The following DDX46 variants were observed in gnomAD, a reference collection of about 807,000 sequenced individuals.
The protein encoded by DDX46 is probable ATP-dependent RNA helicase DDX46.
DDX46 carries 30 observed loss-of-function variants against 134.9 expected under a neutral mutation model. The observed-to-expected ratio is 0.22, with a 90% CI of 0.17 to 0.30. DDX46 has a LOEUF of 0.30. Among genes scored for constraint, DDX46 ranks in the 10% least tolerant of loss-of-function variants. The probability of loss-of-function intolerance (pLI) is 1.00; values close to 1 mark genes in which losing one functional copy is unlikely to be tolerated. For missense variants in DDX46, 622 were observed against 1,248.7 expected (o/e 0.50, Z 7.56); for synonymous variants, 415 against 404.1 (o/e 1.03, Z -0.32).
rs112871312 is a variant in DDX46 at position 134,758,822 on chromosome 5, T to G, written c.-117T>G. ...CTGGGATGGCCGCCACAGCTGTAGG[T>G]GCTGCTAGTGTTTAGCGCTGGTCTT... On this transcript the variant is annotated 5_prime_UTR_variant, in exon 1 of 23. Transcript: ENST00000452510. The G allele has an allele frequency of 0.027, 39,824 of 1,500,966 alleles. 646 individuals carry two copies. Among genetic ancestry groups the G allele is most frequent in the South Asian group, 0.045 (3,918 of 87,996 alleles). 93.0% of individuals were successfully genotyped at this position (1,500,966 alleles called of 1,614,324 possible).
At chr5:134,780,989 A>C in intron 6 of DDX46, 144 bp from the exon 7 acceptor site, 1 of 538,746 alleles carries the variant, frequency 1.9e-6, no homozygotes, top group Non-Finnish European at 3.1e-6. Context: ...TGATCACACC[A>C]CTCAAGCCTG....
At chr5:134,786,837 TC>T (rs1354740716) in intron 11 of DDX46, among the ~76,000 whole-genome samples, 1 of 152,086 alleles carries the variant, frequency 6.6e-6, no homozygotes, top group Non-Finnish European at 1.5e-5. Flanking sequence ...AGAGCAAGAC[TC>T]CATCTTGGGG....
intron 5 of DDX46, among the ~76,000 whole-genome samples, chr5:134,776,285 G>A (rs1403682395): frequency 6.6e-6 from 1 of 152,036 alleles, no homozygotes; most frequent in South Asian, 2.1e-4. Context: ...AGCTACTCGG[G>A]AGGCTGAGGC....
At chr5:134,762,249 C>CA (rs748727468) in intron 1 of DDX46, among the ~76,000 whole-genome samples, 2,763 of 93,330 alleles carry the variant, frequency 0.03, 31 homozygotes, top group Middle Eastern at 0.044. Flanking sequence ...CATCTCTACC[C>CA]AAAAAAAAAA....
rs575022620 is a variant in DDX46 at position 134,821,322 on chromosome 5, G to A, written c.2977+2318G>A. On this transcript the variant is annotated intron_variant, in intron 21 of 22. Transcript: ENST00000452510. ...CTCCCAAAGTGCTGGGATTACAGGCGTGAGCCACTGCGCCCGGCCAATTTT... is the reference window on the plus strand; with the variant it reads ...CTCCCAAAGTGCTGGGATTACAGGCATGAGCCACTGCGCCCGGCCAATTTT... 2.7e-3 allele frequency among the ~76,000 whole-genome samples: 401 copies of A among 151,066 alleles called. 2 individuals carry two copies. Among genetic ancestry groups the A allele is most frequent in the Non-Finnish European group, 3.0e-3 (205 of 67,678 alleles).
intron 3 of DDX46, among the ~76,000 whole-genome samples, chr5:134,768,798 C>T (rs1326615431): frequency 2.0e-5 from 3 of 152,068 alleles, no homozygotes; most frequent in Non-Finnish European, 4.4e-5. Flanking sequence ...AAGTGGCTCA[C>T]GCCTGTAATC....
At chr5:134,766,626 C>T (rs1161920373) in intron 2 of DDX46, among the ~76,000 whole-genome samples, 1 of 151,884 alleles carries the variant, frequency 6.6e-6, no homozygotes, top group Admixed American at 6.6e-5. Context: ...GAGGCTGAGG[C>T]AGGAGAATCA....
chr5:134,816,751 G>A (rs1354220908), intron 19 of DDX46, 145 bp downstream of exon 19: 1 of 808,448 alleles, frequency 1.2e-6, no homozygotes, highest in African/African-American at 1.7e-5. Context: ...AGAATTTTTT[G>A]ATAATTGCAT....
intron 4 of DDX46, 27 bp downstream of exon 4, chr5:134,771,026 TTC>T: frequency 1.1e-6 from 1 of 922,158 alleles, no homozygotes; most frequent in Non-Finnish European, 1.7e-6. Flanking sequence ...AAAAATAATT[TTC>T]TTTCTTTCTT....
chr5:134,827,857 A>G (rs1303867387), intron 22 of DDX46, among the ~76,000 whole-genome samples: 1 of 152,204 alleles, frequency 6.6e-6, no homozygotes, highest in East Asian at 1.9e-4. Context: ...TGCGTTTGGT[A>G]TATATTAGCA....
chr5:134,764,635 A>G (rs1026772369), intron 2 of DDX46, among the ~76,000 whole-genome samples: 3 of 152,206 alleles, frequency 2.0e-5, no homozygotes, highest in Non-Finnish European at 4.4e-5. Flanking sequence ...CTGTAACCCA[A>G]AGACATCCCT....
intron 12 of DDX46, 184 bp from the exon 13 acceptor site, chr5:134,790,286 C>A (rs868468256): frequency 1.6e-6 from 1 of 632,244 alleles, no homozygotes; most frequent in South Asian, 1.8e-5. Flanking sequence ...AAAGTATTTG[C>A]CACTAGATTA....
intron 13 of DDX46, among the ~76,000 whole-genome samples, chr5:134,792,209 T>C (rs1754525760): frequency 6.6e-6 from 1 of 151,912 alleles, no homozygotes; most frequent in African/African-American, 2.4e-5. Flanking sequence ...ATAATAGTAA[T>C]AATAATCAGC....
chr5:134,788,631 A>G (rs1173225214), intron 12 of DDX46, 40 bp downstream of exon 12: 2 of 1,560,978 alleles, frequency 1.3e-6, no homozygotes, highest in Admixed American at 1.7e-5. Context: ...TTATTTTTGA[A>G]TTCTTTACTT....
chr5:134,809,297 A>T (rs1351672916), intron 16 of DDX46, among the ~76,000 whole-genome samples: 1 of 152,210 alleles, frequency 6.6e-6, no homozygotes, highest in Non-Finnish European at 1.5e-5. Flanking sequence ...AAAAATGTAA[A>T]TACTTGTAGC....
chr5:134,780,202 A>ATGTGTATATG (rs200066471), intron 6 of DDX46, among the ~76,000 whole-genome samples: 1 of 148,748 alleles, frequency 6.7e-6, no homozygotes, highest in Non-Finnish European at 1.5e-5. Flanking sequence ...ATGTATGTGT[A>ATGTGTATATG]TGTGTATATG....
intron 13 of DDX46, 38 bp from the exon 14 acceptor site, chr5:134,794,812 A>G (rs1486643081): frequency 2.5e-6 from 4 of 1,609,660 alleles, no homozygotes; most frequent in African/African-American, 1.3e-5. Flanking sequence ...TGAAGACCAT[A>G]TTTACCATAT....
At chr5:134,759,774 C>T (rs1181136464) in intron 1 of DDX46, among the ~76,000 whole-genome samples, 1 of 152,276 alleles carries the variant, frequency 6.6e-6, no homozygotes, top group East Asian at 1.9e-4. Context: ...AAGGGTAAAG[C>T]TTGATGAAAT....
At chr5:134,791,887 T>G (rs1462216934) in intron 13 of DDX46, among the ~76,000 whole-genome samples, 1 of 152,120 alleles carries the variant, frequency 6.6e-6, no homozygotes, top group Non-Finnish European at 1.5e-5. Flanking sequence ...AAAATGATAT[T>G]TAGCTTTGGG....
Sources: gnomAD v4.1 joint callset for allele counts (sites outside exome capture counted in the v4.1 genomes callset) on GRCh38, gnomAD v4.1.1 for gene constraint, MANE v1.5 for transcripts, NCBI Gene and HGNC (gene_info 2026-07-23, HGNC 2026-07-21) for gene names.